The following MAP2 variants were observed in gnomAD, a reference collection of about 807,000 sequenced individuals.
The protein encoded by MAP2 is microtubule associated protein 2, also known as microtubule-associated protein 2.
In MAP2, 14 loss-of-function variants were observed where a neutral mutation model predicts 137.6. The observed-to-expected ratio is 0.10, with a 90% CI of 0.07 to 0.16. The LOEUF (loss-of-function observed/expected upper bound fraction) is 0.16, where lower values mean the gene tolerates loss of function less well. Among genes scored for constraint, MAP2 ranks in the 10% least tolerant of loss-of-function variants. The pLI is 1.00. For missense variants in MAP2, 2,088 were observed against 2,191.5 expected (o/e 0.95, Z 0.94); for synonymous variants, 786 against 782.3 (o/e 1.00, Z -0.08).
At chr2:209,703,171 G>A (rs147666382) in intron 11 of MAP2, among the ~76,000 whole-genome samples, 3,586 of 152,086 alleles carry the variant, frequency 0.024, 71 homozygotes, top group Middle Eastern at 0.048. Context: ...TCTAGTCTTT[G>A]CATAAAAATG....
chr2:209,442,249 A>AAAGG (rs929324350), intron 1 of MAP2, among the ~76,000 whole-genome samples: 4 of 151,538 alleles, frequency 2.6e-5, no homozygotes, highest in Non-Finnish European at 5.9e-5. Context: ...GTTGATGAGG[A>AAAGG]AAGGAAAAAG....
At chr2:209,657,368 A>G (rs145121885) in intron 5 of MAP2, among the ~76,000 whole-genome samples, 1 of 152,286 alleles carries the variant, frequency 6.6e-6, no homozygotes, top group East Asian at 1.9e-4. Context: ...TTCCATAAAG[A>G]CTGTAGTAAT....
chr2:209,466,961 T>C (rs1704281124), intron 1 of MAP2, among the ~76,000 whole-genome samples: 1 of 152,192 alleles, frequency 6.6e-6, no homozygotes, highest in African/African-American at 2.4e-5. Flanking sequence ...GCATTTTCTC[T>C]TGAGTGTGCC....
chr2:209,530,261 C>T (rs1306730884), intron 2 of MAP2, among the ~76,000 whole-genome samples: 5 of 152,216 alleles, frequency 3.3e-5, no homozygotes, highest in Admixed American at 2.6e-4. Context: ...ACATATACTT[C>T]TTGTTCTCAC....
chr2:209,730,587 T>C lies in MAP2; in HGVS notation c.*190T>C, dbSNP rs1005603192. The C allele has an allele frequency of 1.7e-6, 1 of 581,264 alleles. No homozygotes were observed. The highest frequency in any genetic ancestry group is 1.9e-5 in the African/African-American group (1 of 53,520). The allele number at this position is 581,264 out of a possible 1,614,324, so 36.0% of individuals were successfully genotyped here. A position where few individuals can be genotyped will look rare whatever the true frequency, so the allele number is the denominator to read the frequency against. ...CATGCAGAAATTGACCTGATTTCCA[T>C]TTGCAACAGGAAGACACTGGCTTTA... On this transcript the variant is annotated 3_prime_UTR_variant, in exon 16 of 16. Coordinates refer to ENST00000682079, the MANE Select transcript of MAP2 (RefSeq NM_001375505.1).
chr2:209,715,921 G>A (rs1265231450), intron 13 of MAP2, among the ~76,000 whole-genome samples: 1 of 152,070 alleles, frequency 6.6e-6, no homozygotes, highest in African/African-American at 2.4e-5. Flanking sequence ...TCTAAGTGTT[G>A]ACTTTTCCTC....
intron 1 of MAP2, among the ~76,000 whole-genome samples, chr2:209,431,170 C>A (rs1015684659): frequency 4.0e-5 from 6 of 151,874 alleles, no homozygotes; most frequent in African/African-American, 1.2e-4. Flanking sequence ...TTAGTCGCTT[C>A]CCAAATGGTA....
intron 2 of MAP2, among the ~76,000 whole-genome samples, chr2:209,573,707 C>T (rs1173949871): frequency 6.6e-6 from 1 of 152,134 alleles, no homozygotes. Context: ...GAGTTATGCA[C>T]TCATAACCAT....
At position 209,609,178 on chromosome 2, in the gene MAP2, A is replaced by G. The variant is rs145329820; in HGVS notation, c.-106-15875A>G. Among the ~76,000 whole-genome samples, 51 of 152,162 alleles carry G rather than the reference A, an allele frequency of 3.4e-4. 1 individual carries two copies. The East Asian group carries it at 9.3e-3, about 28-fold the overall frequency. ...AATATATAGTAACAAATGTATATTCATTCTGAATATACATTTTCCCATTGC... is the reference window on the plus strand; with the variant it reads ...AATATATAGTAACAAATGTATATTCGTTCTGAATATACATTTTCCCATTGC... On this transcript the variant is annotated intron_variant, in intron 3 of 15. Coordinates refer to ENST00000682079, the MANE Select transcript of MAP2 (RefSeq NM_001375505.1).
At chr2:209,646,897 T>C (rs2094454704) in intron 4 of MAP2, among the ~76,000 whole-genome samples, 1 of 152,212 alleles carries the variant, frequency 6.6e-6, no homozygotes, top group South Asian at 2.1e-4. Flanking sequence ...ATTTGGTTAC[T>C]TATTATTCCA....
At chr2:209,665,090 G>C (rs1559511240) in intron 5 of MAP2, among the ~76,000 whole-genome samples, 1 of 151,548 alleles carries the variant, frequency 6.6e-6, no homozygotes. Flanking sequence ...GGTTAGAACA[G>C]AAAGAAATTA....
At chr2:209,465,091 G>A (rs377184013) in intron 1 of MAP2, among the ~76,000 whole-genome samples, 8 of 152,132 alleles carry the variant, frequency 5.3e-5, no homozygotes, top group East Asian at 1.9e-4. Context: ...TCCAAAGGTC[G>A]TGAATTAATA....
chr2:209,513,864 C>G lies in MAP2; in HGVS notation c.-172+6223C>G, dbSNP rs560607950. On this transcript the variant is annotated intron_variant, in intron 2 of 15. Transcript: ENST00000682079. Reference sequence around the variant, plus strand: ...TCTGCCATCCTCACTTCAACCCCCTCCCCACCTCTCCTCTTCTAAATTATG... The same window carrying G: ...TCTGCCATCCTCACTTCAACCCCCTGCCCACCTCTCCTCTTCTAAATTATG... Among the ~76,000 whole-genome samples the G allele has an allele frequency of 2.0e-5, 3 of 152,188 alleles. No individual in the cohort carries two copies. In the South Asian group the frequency reaches 6.2e-4, roughly 32 times the overall value.
chr2:209,543,868 T>C (rs1444491644), intron 2 of MAP2, among the ~76,000 whole-genome samples: 1 of 152,180 alleles, frequency 6.6e-6, no homozygotes, highest in Non-Finnish European at 1.5e-5. Flanking sequence ...TAAACAATTG[T>C]GTCATAAATC....
At chr2:209,608,946 A>G (rs1316099010) in intron 3 of MAP2, among the ~76,000 whole-genome samples, 2 of 151,966 alleles carry the variant, frequency 1.3e-5, no homozygotes, top group Non-Finnish European at 2.9e-5. Flanking sequence ...CTTAAATACC[A>G]TGCTCTCCAG....
At chr2:209,506,155 T>G (rs1454889204) in intron 1 of MAP2, among the ~76,000 whole-genome samples, 1 of 152,126 alleles carries the variant, frequency 6.6e-6, no homozygotes, top group African/African-American at 2.4e-5. Context: ...GGCATTAATC[T>G]TAAATGTCCT....
intron 3 of MAP2, among the ~76,000 whole-genome samples, chr2:209,586,497 T>C (rs1242786556): frequency 6.6e-6 from 1 of 152,194 alleles, no homozygotes; most frequent in Admixed American, 6.6e-5. Flanking sequence ...ATTAATTGAA[T>C]ACCTAATTCC....
chr2:209,636,369 A>G (rs1020462475), intron 4 of MAP2, among the ~76,000 whole-genome samples: 4 of 152,224 alleles, frequency 2.6e-5, no homozygotes, highest in Non-Finnish European at 2.9e-5. Flanking sequence ...GTGGCACTAG[A>G]AAGTTCTTCC....
chr2:209,468,783 C>T (rs1704873009), intron 1 of MAP2, among the ~76,000 whole-genome samples: 2 of 151,800 alleles, frequency 1.3e-5, no homozygotes, highest in South Asian at 4.2e-4. Flanking sequence ...CAGATTGCAT[C>T]TAATTAAACC....
Sources: gnomAD v4.1 joint callset for allele counts (sites outside exome capture counted in the v4.1 genomes callset) on GRCh38, gnomAD v4.1.1 for gene constraint, MANE v1.5 for transcripts, NCBI Gene and HGNC (gene_info 2026-07-23, HGNC 2026-07-21) for gene names.